DLG2: variants seen among roughly 807,000 people sequenced by gnomAD.
The protein encoded by DLG2 is disks large homolog 2.
DLG2 carries 45 observed loss-of-function variants against 132.5 expected under a neutral mutation model. That is an observed-to-expected ratio of 0.34 (90% CI 0.27 to 0.44). The LOEUF (loss-of-function observed/expected upper bound fraction) is 0.44, where lower values mean the gene tolerates loss of function less well. Ranked by LOEUF, DLG2 falls within the 20% of genes least tolerant of loss-of-function variation. The pLI, the probability that DLG2 is intolerant of heterozygous loss-of-function variation, is 1.00. For synonymous variants in DLG2, 424 were observed against 419.6 expected, an observed-to-expected ratio of 1.01 and a Z score of -0.13; for missense variants, 1,045 against 1,196.9, an observed-to-expected ratio of 0.87 and a Z score of 1.87.
chr11:85,438,366 G>C (rs1356005339), intron 3 of DLG2, among the ~76,000 whole-genome samples: 3 of 152,006 alleles, frequency 2.0e-5, no homozygotes, highest in African/African-American at 7.2e-5. Flanking sequence ...TAACTTAGTT[G>C]TTGTTTTTCT....
At chr11:85,095,100 TC>T (rs111446808) in intron 6 of DLG2, among the ~76,000 whole-genome samples, 1 of 152,146 alleles carries the variant, frequency 6.6e-6, no homozygotes, top group Admixed American at 6.5e-5. Context: ...TCAGTGAAGT[TC>T]TTGATCCTAT....
chr11:85,566,890 G>A (rs1323170369), intron 3 of DLG2, among the ~76,000 whole-genome samples: 2 of 152,060 alleles, frequency 1.3e-5, no homozygotes, highest in Admixed American at 1.3e-4. Flanking sequence ...TTTTCATGGA[G>A]CTAGCTATAT....
intron 6 of DLG2, among the ~76,000 whole-genome samples, chr11:85,054,052 G>A (rs188109191): frequency 2.8e-3 from 420 of 151,898 alleles, no homozygotes; most frequent in African/African-American, 9.6e-3. Context: ...GGATCACAAC[G>A]TCAGGAGATC....
At chr11:85,273,493 C>T (rs184312446) in intron 4 of DLG2, among the ~76,000 whole-genome samples, 11 of 152,296 alleles carry the variant, frequency 7.2e-5, no homozygotes, top group Non-Finnish European at 1.3e-4. Context: ...AGCCAACAGA[C>T]ACATGAAAAA....
At chr11:85,352,096 T>C (rs1206137946) in intron 3 of DLG2, among the ~76,000 whole-genome samples, 1 of 152,232 alleles carries the variant, frequency 6.6e-6, no homozygotes, top group Non-Finnish European at 1.5e-5. Flanking sequence ...AGCCTGTTAT[T>C]GGTCTATTCA....
intron 6 of DLG2, among the ~76,000 whole-genome samples, chr11:85,107,351 T>G (rs2071934259): frequency 6.6e-6 from 1 of 152,090 alleles, no homozygotes; most frequent in African/African-American, 2.4e-5. Flanking sequence ...TATAGCCATT[T>G]CTGAGTATAC....
chr11:84,786,049 T>C (rs181023832), intron 6 of DLG2, among the ~76,000 whole-genome samples: 116 of 152,286 alleles, frequency 7.6e-4, no homozygotes, highest in African/African-American at 2.5e-3. Flanking sequence ...ATATCTACTA[T>C]GCTATCATTA....
intron 11 of DLG2, among the ~76,000 whole-genome samples, chr11:84,054,691 T>C (rs1343934788): frequency 6.6e-6 from 1 of 152,074 alleles, no homozygotes; most frequent in Non-Finnish European, 1.5e-5. Flanking sequence ...CATCAAAGGT[T>C]ATCTCAAATT....
chr11:83,884,758 G>T (rs1222945730), intron 15 of DLG2, among the ~76,000 whole-genome samples: 2 of 152,168 alleles, frequency 1.3e-5, no homozygotes, highest in African/African-American at 4.8e-5. Flanking sequence ...ACTTCCAGAG[G>T]AACGATCAGA....
chr11:84,488,658 A>T (rs913930246), intron 7 of DLG2, among the ~76,000 whole-genome samples: 1 of 152,156 alleles, frequency 6.6e-6, no homozygotes, highest in African/African-American at 2.4e-5. Context: ...TCTGAGCCAG[A>T]AAATGGGCTA....
At chr11:84,013,256 G>A (rs2094982659) in intron 11 of DLG2, among the ~76,000 whole-genome samples, 1 of 152,114 alleles carries the variant, frequency 6.6e-6, no homozygotes, top group Non-Finnish European at 1.5e-5. Context: ...TGCTCTAAGT[G>A]AAGCAGACCT....
At chr11:84,185,071 T>C (rs1471207631) in intron 8 of DLG2, among the ~76,000 whole-genome samples, 1 of 152,174 alleles carries the variant, frequency 6.6e-6, no homozygotes, top group Non-Finnish European at 1.5e-5. Context: ...TTTGGTTCCA[T>C]ATGAACTTTA....
At chr11:84,076,182 T>C (rs1190189352) in intron 10 of DLG2, among the ~76,000 whole-genome samples, 1 of 152,198 alleles carries the variant, frequency 6.6e-6, no homozygotes, top group Non-Finnish European at 1.5e-5. Context: ...TGAAGCATGG[T>C]AGACTAGGTG....
chr11:83,763,560 G>T (rs1466784734), intron 18 of DLG2, among the ~76,000 whole-genome samples: 2 of 152,160 alleles, frequency 1.3e-5, no homozygotes, highest in East Asian at 3.8e-4. Flanking sequence ...ACATGTGACT[G>T]TTCACCATGT....
intron 7 of DLG2, among the ~76,000 whole-genome samples, chr11:84,456,202 C>T (rs761764422): frequency 7.9e-5 from 12 of 151,236 alleles, no homozygotes; most frequent in Non-Finnish European, 1.0e-4. Context: ...TATTTAGAAG[C>T]ATGGATAAGT....
intron 6 of DLG2, among the ~76,000 whole-genome samples, chr11:84,796,272 TA>T (rs903634001): frequency 2.0e-5 from 3 of 152,196 alleles, no homozygotes; most frequent in South Asian, 2.1e-4. Context: ...TAAAAACTAA[TA>T]AAAAATGGAT....
intron 6 of DLG2, among the ~76,000 whole-genome samples, chr11:84,991,653 GA>G (rs1404496700): frequency 3.9e-5 from 6 of 152,118 alleles, no homozygotes; most frequent in Non-Finnish European, 8.8e-5. Context: ...TTTAGGTGAT[GA>G]AAATGTTCTG....
chr11:83,746,044 T>C (rs1197204195), intron 18 of DLG2, among the ~76,000 whole-genome samples: 2 of 152,084 alleles, frequency 1.3e-5, no homozygotes, highest in African/African-American at 2.4e-5. Flanking sequence ...CTCACACCAG[T>C]TAGGATGGCC....
chr11:85,558,511 T>C (rs752406504), intron 3 of DLG2, among the ~76,000 whole-genome samples: 15 of 151,822 alleles, frequency 9.9e-5, no homozygotes, highest in Non-Finnish European at 2.1e-4. Context: ...TGCAGAGATA[T>C]TTAAAATAGC....
Sources: gnomAD v4.1 joint callset for allele counts (sites outside exome capture counted in the v4.1 genomes callset) on GRCh38, gnomAD v4.1.1 for gene constraint, MANE v1.5 for transcripts, NCBI Gene and HGNC (gene_info 2026-07-23, HGNC 2026-07-21) for gene names.